Variants in TRIM44 observed in about 807,000 individuals in gnomAD.
The protein encoded by TRIM44 is tripartite motif containing 44.
TRIM44 carries 13 observed loss-of-function variants against 37.4 expected under a neutral mutation model. The observed-to-expected ratio is 0.35, with a 90% confidence interval of 0.23 to 0.55. TRIM44 has a LOEUF of 0.55. Among genes scored for constraint, TRIM44 ranks in the 20% least tolerant of loss-of-function variants. TRIM44 has a pLI of 0.89. For synonymous variants in TRIM44, 175 were observed against 157.2 expected, an observed-to-expected ratio of 1.11 and a Z score of -0.85; for missense variants, 426 against 437.2, an observed-to-expected ratio of 0.97 and a Z score of 0.23.
At chr11:35,713,281 C>A (rs1398923076) in intron 2 of TRIM44, among the ~76,000 whole-genome samples, 1 of 152,200 alleles carries the variant, frequency 6.6e-6, no homozygotes, top group African/African-American at 2.4e-5. Flanking sequence ...CTAACTCAGC[C>A]CATTTATTTA....
At chr11:35,700,300 A>G (rs1462338367) in intron 2 of TRIM44, among the ~76,000 whole-genome samples, 1 of 152,184 alleles carries the variant, frequency 6.6e-6, no homozygotes, top group Non-Finnish European at 1.5e-5. Context: ...GTTCACACAC[A>G]GAATTTTTTT....
intron 4 of TRIM44, among the ~76,000 whole-genome samples, chr11:35,748,953 C>T (rs1008179204): frequency 2.6e-5 from 4 of 152,200 alleles, no homozygotes; most frequent in Non-Finnish European, 5.9e-5. Context: ...TAGAACCAAA[C>T]TTCCATGATG....
intron 4 of TRIM44, among the ~76,000 whole-genome samples, chr11:35,781,897 T>A (rs976783503): frequency 1.3e-5 from 2 of 152,200 alleles, no homozygotes; most frequent in African/African-American, 4.8e-5. Context: ...CTGTTTGTAG[T>A]GTTTTAAAGA....
At chr11:35,677,760 C>A (rs1480247221) in intron 1 of TRIM44, among the ~76,000 whole-genome samples, 2 of 152,148 alleles carry the variant, frequency 1.3e-5, no homozygotes, top group Middle Eastern at 3.4e-3. Context: ...AGAAGCAACT[C>A]TAAGTCATGG....
chr11:35,676,985 A>G (rs1851465897), intron 1 of TRIM44, among the ~76,000 whole-genome samples: 1 of 152,168 alleles, frequency 6.6e-6, no homozygotes, highest in South Asian at 2.1e-4. Context: ...ATTTCCAGAG[A>G]TATGAGAAAA....
intron 4 of TRIM44, among the ~76,000 whole-genome samples, chr11:35,791,398 T>G: frequency 6.6e-6 from 1 of 152,104 alleles, no homozygotes; most frequent in Non-Finnish European, 1.5e-5. Flanking sequence ...CTTGTTCACA[T>G]TTTGAAGTGC....
At chr11:35,724,412 T>A (rs1852143889) in intron 2 of TRIM44, 1 of 152,234 alleles carries the variant, frequency 6.6e-6, no homozygotes, top group South Asian at 2.1e-4. Flanking sequence ...AGGAAGGGGT[T>A]CATTTAGATG....
chr11:35,718,748 A>G (rs750341050), intron 2 of TRIM44, among the ~76,000 whole-genome samples: 12 of 152,108 alleles, frequency 7.9e-5, no homozygotes, highest in Admixed American at 2.0e-4. Context: ...ACCTCTGGCA[A>G]CTGATCTTTT....
chr11:35,673,739 T>G (rs938875467), intron 1 of TRIM44, among the ~76,000 whole-genome samples: 6 of 152,088 alleles, frequency 3.9e-5, no homozygotes, highest in African/African-American at 1.4e-4. Context: ...GGCAATTGAT[T>G]TTTTGGGTAA....
At chr11:35,753,195 G>GATAC (rs1478327410) in intron 4 of TRIM44, among the ~76,000 whole-genome samples, 3 of 152,108 alleles carry the variant, frequency 2.0e-5, no homozygotes, top group Non-Finnish European at 2.9e-5. Flanking sequence ...ATAATAAGGT[G>GATAC]ATACAATTGG....
At chr11:35,740,963 G>C (rs1446592764) in intron 4 of TRIM44, among the ~76,000 whole-genome samples, 1 of 151,932 alleles carries the variant, frequency 6.6e-6, no homozygotes, top group Non-Finnish European at 1.5e-5. Flanking sequence ...ATAACCATAT[G>C]TTCTTAGATA....
chr11:35,697,213 C>CG (rs1315754296), intron 2 of TRIM44, among the ~76,000 whole-genome samples: 1 of 106,436 alleles, frequency 9.4e-6, no homozygotes, highest in African/African-American at 3.5e-5. Flanking sequence ...ATCCCTCCCC[C>CG]TCCCCCCACC....
chr11:35,705,349 TCAA>T (rs1851864841), intron 2 of TRIM44, among the ~76,000 whole-genome samples: 1 of 152,120 alleles, frequency 6.6e-6, no homozygotes, highest in Non-Finnish European at 1.5e-5. Context: ...ATTAGACAGA[TCAA>T]CGAGACAGAA....
chr11:35,776,357 T>C (rs1852961588), intron 4 of TRIM44, among the ~76,000 whole-genome samples: 1 of 152,214 alleles, frequency 6.6e-6, no homozygotes, highest in Admixed American at 6.5e-5. Context: ...TTTTCTTCTG[T>C]ATTAGTCTTT....
chr11:35,700,168 A>T (rs1254598591), intron 2 of TRIM44, among the ~76,000 whole-genome samples: 1 of 152,194 alleles, frequency 6.6e-6, no homozygotes. Flanking sequence ...ATAGCCCTTT[A>T]CTAATTTTTG....
chr11:35,683,154 T>C (rs971473203), intron 1 of TRIM44, among the ~76,000 whole-genome samples: 1 of 152,210 alleles, frequency 6.6e-6, no homozygotes, highest in Non-Finnish European at 1.5e-5. Flanking sequence ...AGGTCTCACC[T>C]GCTTCCTGGT....
At chr11:35,703,262 A>T (rs1270142542) in intron 2 of TRIM44, among the ~76,000 whole-genome samples, 1 of 152,198 alleles carries the variant, frequency 6.6e-6, no homozygotes, top group Non-Finnish European at 1.5e-5. Context: ...GGGAAGCTTG[A>T]ACTGGGTGGA....
chr11:35,773,642 C>T (rs1190148517), intron 4 of TRIM44, among the ~76,000 whole-genome samples: 1 of 152,124 alleles, frequency 6.6e-6, no homozygotes, highest in East Asian at 1.9e-4. Context: ...CCACAACAGG[C>T]CCCGGTGTGT....
At chr11:35,734,131 G>A (rs952968839) in intron 3 of TRIM44, among the ~76,000 whole-genome samples, 2 of 152,066 alleles carry the variant, frequency 1.3e-5, no homozygotes, top group African/African-American at 4.8e-5. Context: ...TCATGCTCCT[G>A]ATTCGAAAAT....
Sources: allele counts gnomAD v4.1 joint callset (sites outside exome capture counted in the v4.1 genomes callset), GRCh38; gene constraint gnomAD v4.1.1; transcripts MANE v1.5; gene names NCBI Gene and HGNC (gene_info 2026-07-23, HGNC 2026-07-21).